The following CYTH4 variants were observed in gnomAD, a reference collection of about 807,000 sequenced individuals.
CYTH4 encodes cytohesin-4.
A neutral mutation model predicts 57.5 loss-of-function variants in CYTH4; 22 were observed. That is an observed-to-expected ratio of 0.38 (90% CI 0.27 to 0.55). The LOEUF (loss-of-function observed/expected upper bound fraction) is 0.55. CYTH4 is among the 20% of genes least tolerant of loss of function. CYTH4 has a pLI of 0.74. For missense variants in CYTH4, 420 were observed against 535.6 expected (o/e 0.78, Z 2.13); for synonymous variants, 186 against 206.5 (o/e 0.90, Z 0.85).
At chr22:37,300,158 G>A (rs750956557) in intron 6 of CYTH4, 23 of 717,468 alleles carry the variant, frequency 3.2e-5, no homozygotes, top group African/African-American at 7.0e-5. Context: ...CTCAGATTCC[G>A]AGAAGGAGCA....
At chr22:37,284,061 G>A (rs946962818) in intron 1 of CYTH4, among the ~76,000 whole-genome samples, 9 of 152,214 alleles carry the variant, frequency 5.9e-5, no homozygotes, top group African/African-American at 1.7e-4. Context: ...GAGGTCACAC[G>A]GCCAGTCAGC....
At chr22:37,312,252 ATCTGTAAAGGGGCTAAC>A in intron 12 of CYTH4, 78 bp downstream of exon 12, 2 of 1,567,468 alleles carry the variant, frequency 1.3e-6, no homozygotes, top group South Asian at 2.3e-5. Flanking sequence ...TTGCTTCCTT[ATCTGTAAAGGGGCTAAC>A]TCCAGTCTCT....
intron 9 of CYTH4, among the ~76,000 whole-genome samples, chr22:37,310,344 G>A (rs923758321): frequency 6.6e-6 from 1 of 152,088 alleles, no homozygotes; most frequent in African/African-American, 2.4e-5. Context: ...CTCCACCCAA[G>A]TACTGATGGT....
In CYTH4 at chr22:37,314,359, A is replaced by G; in HGVS notation, c.*848A>G. ...CATTTCGGGGAGAGGAGCAGGTGGG[A>G]CCCTCAAGAAAATGACGGAGAACAT... On this transcript the variant is annotated 3_prime_UTR_variant, in exon 13 of 13. Coordinates refer to ENST00000248901, the MANE Select transcript of CYTH4 (RefSeq NM_013385.5). The G allele has an allele frequency of 2.5e-6, 1 of 398,612 alleles. No individual in the cohort carries two copies. Among genetic ancestry groups the G allele is most frequent in the Middle Eastern group, 6.3e-4 (1 of 1,586 alleles). 24.7% of individuals were successfully genotyped at this position (398,612 alleles called of 1,614,324 possible). A position where few individuals can be genotyped will look rare whatever the true frequency, so the allele number is the denominator to read the frequency against.
At chr22:37,288,767 A>T (rs891381769) in intron 1 of CYTH4, among the ~76,000 whole-genome samples, 1 of 152,196 alleles carries the variant, frequency 6.6e-6, no homozygotes, top group African/African-American at 2.4e-5. Flanking sequence ...CCAAGTGGAT[A>T]TCACCTCCAG....
At chr22:37,287,163 T>C (rs1340939101) in intron 1 of CYTH4, among the ~76,000 whole-genome samples, 1 of 152,018 alleles carries the variant, frequency 6.6e-6, no homozygotes, top group Non-Finnish European at 1.5e-5. Flanking sequence ...GATGGTTGGA[T>C]CTGAAGCTCA....
Position 37,282,561 on chromosome 22 carries a change from G to A in CYTH4, c.-9G>A, listed in dbSNP as rs1160916699. The A allele has an allele frequency of 3.7e-6, 6 of 1,613,722 alleles. No homozygotes were observed. The highest frequency in any genetic ancestry group is 2.7e-5 in the African/African-American group (2 of 74,938). On this transcript the variant is annotated 5_prime_UTR_variant, in exon 1 of 13. Transcript: ENST00000248901. ...GAGCACGGGTCATCTTTTCCCCAGA[G>A]GCGTCGGAATGGACCTGTGCCACCC...
At position 37,295,161 on chromosome 22, in the gene CYTH4, G is replaced by A. The variant is rs1928907165; in HGVS notation, c.167+437G>A. On this transcript the variant is annotated intron_variant, in intron 3 of 12. Coordinates refer to ENST00000248901, the MANE Select transcript of CYTH4 (RefSeq NM_013385.5). The surrounding 1 kb of genome is among the most constrained non-coding windows in gnomAD (Gnocchi z 4.1). ...GGCCAGCCACGCCCACCGCCTCTGT[G>A]GAAAACTCCCACTATTTTGTGATCT... is the stretch of plus-strand genomic sequence containing the variant. 6.6e-6 allele frequency among the ~76,000 whole-genome samples: 1 copy of A among 152,040 alleles called. No homozygotes were observed. The highest frequency in any genetic ancestry group is 1.5e-5 in the Non-Finnish European group (1 of 67,984).
chr22:37,292,436 G>A, intron 1 of CYTH4, 185 bp from the exon 2 acceptor site: 1 of 584,088 alleles, frequency 1.7e-6, no homozygotes. Context: ...ACAGGAAGCA[G>A]GGCAGGAGAG....
In CYTH4 at chr22:37,312,144, A is replaced by T. The variant is rs1929670308; in HGVS notation, c.1082A>T (p.Glu361Val). 1 of 1,614,118 alleles carries T rather than the reference A, an allele frequency of 6.2e-7. No homozygotes were observed. The highest frequency in any genetic ancestry group is 8.5e-7 in the Non-Finnish European group (1 of 1,180,030). The change falls in exon 12 of 13, where the codon GAG becomes GTG. Residue 361 changes from glutamate (E) to valine (V), a missense_variant. Glu to Val is a moderately radical substitution (Grantham distance 121). Coordinates refer to ENST00000248901, the MANE Select transcript of CYTH4 (RefSeq NM_013385.5). ...TACCGCATCTCAGCCACCAGTGCCG[A>T]GGAACGTGACCAGTGGATCGAGTCC... ...ESYRISATSA[E>V]ERDQWIESIR...
intron 2 of CYTH4, among the ~76,000 whole-genome samples, chr22:37,293,139 G>T (rs1207395491): frequency 2.0e-5 from 3 of 152,190 alleles, no homozygotes; most frequent in African/African-American, 4.8e-5. Context: ...TCTGAGACAG[G>T]CTGGGTTCTG....
At chr22:37,304,591 C>T (rs1276566377) in intron 8 of CYTH4, among the ~76,000 whole-genome samples, 1 of 152,202 alleles carries the variant, frequency 6.6e-6, no homozygotes, top group African/African-American at 2.4e-5. Flanking sequence ...TACCTCCTGC[C>T]TCCAAGGCTG....
At chr22:37,297,099 C>A (rs989417324) in intron 4 of CYTH4, among the ~76,000 whole-genome samples, 1 of 152,196 alleles carries the variant, frequency 6.6e-6, no homozygotes, top group Admixed American at 6.5e-5. Context: ...AGCGGTAGGG[C>A]CCGGGCAATT....
chr22:37,310,837 G>A, intron 9 of CYTH4, 151 bp from the exon 10 acceptor site: 1 of 710,676 alleles, frequency 1.4e-6, no homozygotes. Context: ...TTTGAGAAAG[G>A]GATAGATGTT....
intron 8 of CYTH4, chr22:37,304,139 C>T (rs1179632520): frequency 6.6e-6 from 3 of 456,442 alleles, no homozygotes; most frequent in South Asian, 4.6e-5. Context: ...GAAGTCTTCA[C>T]AGAGGAGGTG....
rs1296605685 is a variant in CYTH4, at chr22:37,295,733, A to C, written c.168-266A>C. On this transcript the variant is annotated intron_variant, in intron 3 of 12. Coordinates refer to ENST00000248901, the MANE Select transcript of CYTH4 (RefSeq NM_013385.5). The surrounding 1 kb of genome is among the most constrained non-coding windows in gnomAD (Gnocchi z 4.1). ...CCGGTTTCTTGCACAGGGCCCCTCC[A>C]CCTTCTCCCACACGGCAGCTCCGGG... Among the ~76,000 whole-genome samples, 1 of 152,078 alleles carries C rather than the reference A, an allele frequency of 6.6e-6. No individual in the cohort carries two copies. Among genetic ancestry groups the C allele is most frequent in the Non-Finnish European group, 1.5e-5 (1 of 67,998 alleles).
In CYTH4 at chr22:37,311,026, C is replaced by T. The variant is rs913928663; in HGVS notation, c.847C>T (p.Leu283=). 2 of 1,614,108 alleles carry T rather than the reference C, an allele frequency of 1.2e-6. No homozygotes were observed. Among genetic ancestry groups the T allele is most frequent in the African/African-American group, 2.7e-5 (2 of 74,930 alleles). The stretch of plus-strand genomic sequence containing the variant: ...GACGTGGAAACGGCGCTGGTTCATC[C>T]TGACCGACAACTGCCTCTACTACTT... ...VKTWKRRWFI[L]TDNCLYYFEF... is the part of the protein sequence containing the mutation. Residue 283 remains leucine (L), a synonymous_variant, in exon 10 of 13, where the codon CTG becomes TTG. Transcript: ENST00000248901. This position sits in a 1 kb window ranked among gnomAD's most constrained non-coding sequence, Gnocchi z 4.4.
chr22:37,309,327 A>G lies in CYTH4; in HGVS notation c.808+4A>G. ...GAGGGTTGGCTGCTCAAGCTAGGTGAGAGACCGACAGACACACGTCGTCGC... is the reference window on the plus strand; with the variant it reads ...GAGGGTTGGCTGCTCAAGCTAGGTGGGAGACCGACAGACACACGTCGTCGC... On this transcript the variant is annotated splice_donor_region_variant and intron_variant, in intron 9 of 12. Coordinates refer to ENST00000248901, the MANE Select transcript of CYTH4 (RefSeq NM_013385.5). The G allele has an allele frequency of 1.9e-6, 3 of 1,613,250 alleles. No individual in the cohort carries two copies. Among genetic ancestry groups the G allele is most frequent in the Non-Finnish European group, 2.5e-6 (3 of 1,179,220 alleles).
At chr22:37,307,941 G>A (rs1929460698) in intron 8 of CYTH4, among the ~76,000 whole-genome samples, 1 of 152,210 alleles carries the variant, frequency 6.6e-6, no homozygotes, top group African/African-American at 2.4e-5. Context: ...CTTACCTCCA[G>A]TGACAAAGAG....
Sources: allele counts gnomAD v4.1 joint callset (sites outside exome capture counted in the v4.1 genomes callset), GRCh38; gene constraint gnomAD v4.1.1; non-coding constraint Gnocchi (gnomAD v3.1); transcripts MANE v1.5; gene names NCBI Gene and HGNC (gene_info 2026-07-23, HGNC 2026-07-21).